Variants in JAM3 observed in about 807,000 individuals in gnomAD.
The protein encoded by JAM3 is junctional adhesion molecule 3, also known as junctional adhesion molecule C.
In JAM3, 31 loss-of-function variants were observed where a neutral mutation model predicts 39.4. That is an observed-to-expected ratio of 0.79 (90% CI 0.59 to 1.06). The LOEUF is 1.06. JAM3 is among the 50% of genes least tolerant of loss of function. The probability of loss-of-function intolerance (pLI) is 0.00; values close to 1 mark genes in which losing one functional copy is unlikely to be tolerated. For synonymous variants in JAM3, 182 were observed against 148.7 expected (o/e 1.22, Z -1.63); for missense variants, 455 against 391.4 (o/e 1.16, Z -1.37).
intron 1 of JAM3, among the ~76,000 whole-genome samples, chr11:134,130,531 AAAATT>A (rs1307397538): frequency 3.3e-5 from 5 of 152,212 alleles, no homozygotes; most frequent in Admixed American, 3.3e-4. Flanking sequence ...CACCAGCAGA[AAAATT>A]AAAAAATCAC....
At chr11:134,102,213 G>T (rs553524961) in intron 1 of JAM3, among the ~76,000 whole-genome samples, 1 of 152,152 alleles carries the variant, frequency 6.6e-6, no homozygotes, top group Non-Finnish European at 1.5e-5. Flanking sequence ...AGCAGTATTC[G>T]CTGTCCTGCA....
At chr11:134,082,817 A>G (rs551104110) in intron 1 of JAM3, among the ~76,000 whole-genome samples, 2 of 152,168 alleles carry the variant, frequency 1.3e-5, no homozygotes, top group African/African-American at 2.4e-5. Context: ...AAGACCATTT[A>G]TGCACCACCT....
intron 1 of JAM3, among the ~76,000 whole-genome samples, chr11:134,108,746 T>C (rs770341273): frequency 1.3e-5 from 2 of 152,066 alleles, no homozygotes; most frequent in Admixed American, 6.6e-5. Context: ...TCAACATCCA[T>C]TTATGATAAA....
chr11:134,144,510 G>A (rs1461373485), intron 4 of JAM3, 117 bp downstream of exon 4: 1 of 1,276,738 alleles, frequency 7.8e-7, no homozygotes, highest in South Asian at 1.2e-5. Context: ...GCTTAGGGAG[G>A]GGAGAACTGT....
chr11:134,146,663 C>T (rs908520583), intron 6 of JAM3, among the ~76,000 whole-genome samples: 1 of 152,114 alleles, frequency 6.6e-6, no homozygotes, highest in Non-Finnish European at 1.5e-5. Flanking sequence ...CAAACCCAGC[C>T]TTCAAGCCAT....
At chr11:134,113,716 G>A (rs1202322417) in intron 1 of JAM3, among the ~76,000 whole-genome samples, 10 of 152,312 alleles carry the variant, frequency 6.6e-5, no homozygotes, top group Middle Eastern at 3.4e-3. Flanking sequence ...CCAGTAATGG[G>A]ATGGCTGGGT....
At chr11:134,148,900 T>C in intron 8 of JAM3, 82 bp downstream of exon 8, 1 of 1,427,602 alleles carries the variant, frequency 7.0e-7, no homozygotes, top group Non-Finnish European at 9.8e-7. Context: ...ACGGGTCTCC[T>C]GGGAAGATTT....
At chr11:134,100,706 T>A (rs898739741) in intron 1 of JAM3, among the ~76,000 whole-genome samples, 11 of 152,294 alleles carry the variant, frequency 7.2e-5, no homozygotes, top group Non-Finnish European at 7.4e-5. Context: ...GCTCTCTTAC[T>A]CTTACAACTG....
chr11:134,130,397 T>C (rs1942746914), intron 1 of JAM3, among the ~76,000 whole-genome samples: 1 of 152,160 alleles, frequency 6.6e-6, no homozygotes, highest in Non-Finnish European at 1.5e-5. Context: ...TCTTGGGTTC[T>C]TAGGTATTAT....
At chr11:134,106,631 C>A (rs542815136) in intron 1 of JAM3, among the ~76,000 whole-genome samples, 1 of 152,098 alleles carries the variant, frequency 6.6e-6, no homozygotes, top group South Asian at 2.1e-4. Context: ...ACAAAGAACT[C>A]AAATTTACAA....
chr11:134,149,168 C>T lies in JAM3; in HGVS notation c.920C>T (p.Ser307Leu), dbSNP rs971293018. Residue 307 changes from serine (S) to leucine (L), a missense_variant, in exon 9 of 9, where the codon TCG (serine) becomes TTG (leucine). By Grantham distance (145) the Ser-to-Leu change is moderately radical. Transcript: ENST00000299106. ...DEEGDFRHKSSFVI is the reference protein window; with the variant it reads ...DEEGDFRHKSLFVI ...CAGGGCGACTTCAGACACAAGTCATCGTTTGTGATCTGAGACCCGCGGTGT... is the reference window on the plus strand; with the variant it reads ...CAGGGCGACTTCAGACACAAGTCATTGTTTGTGATCTGAGACCCGCGGTGT... The T allele has an allele frequency of 1.1e-5, 17 of 1,613,800 alleles. No individual in the cohort carries two copies. The highest frequency in any genetic ancestry group is 1.4e-5 in the Non-Finnish European group (17 of 1,179,884).
chr11:134,100,872 C>A (rs557231019), intron 1 of JAM3, among the ~76,000 whole-genome samples: 44 of 152,294 alleles, frequency 2.9e-4, no homozygotes, highest in African/African-American at 1.1e-3. Context: ...TATACTGCTT[C>A]CTTACTAGAC....
At position 134,114,947 on chromosome 11, in the gene JAM3, G is replaced by A. The variant is rs148746464; in HGVS notation, c.77-24904G>A. Among the ~76,000 whole-genome samples, 31 of 152,208 alleles carry A rather than the reference G, an allele frequency of 2.0e-4. No individual in the cohort carries two copies. The East Asian group carries it at 3.7e-3, about 18-fold the overall frequency. On this transcript the variant is annotated intron_variant, in intron 1 of 8. Coordinates refer to ENST00000299106, the MANE Select transcript of JAM3 (RefSeq NM_032801.5). The stretch of plus-strand genomic sequence containing the variant: ...CTATTGAGAGTAGTGTTGAAATCTC[G>A]AACAAAGAATCCTATGGATTTGTTT...
intron 1 of JAM3, among the ~76,000 whole-genome samples, chr11:134,097,725 G>A (rs1942007768): frequency 6.6e-6 from 1 of 151,984 alleles, no homozygotes; most frequent in Non-Finnish European, 1.5e-5. Flanking sequence ...GTTTACTTCA[G>A]GATAATGTTT....
At chr11:134,106,210 G>A (rs1942182552) in intron 1 of JAM3, among the ~76,000 whole-genome samples, 1 of 152,042 alleles carries the variant, frequency 6.6e-6, no homozygotes, top group African/African-American at 2.4e-5. Context: ...ACAACCATCT[G>A]ATCTTTGACA....
At chr11:134,079,094 C>A (rs1299904034) in intron 1 of JAM3, among the ~76,000 whole-genome samples, 1 of 151,944 alleles carries the variant, frequency 6.6e-6, no homozygotes, top group South Asian at 2.1e-4. Context: ...ATCGCATACA[C>A]CCCCAGGAAG....
At position 134,079,408 on chromosome 11, in the gene JAM3, C is replaced by T. The variant is rs369082303; in HGVS notation, c.76+10249C>T. ...AGCTTTCCAGCTGAAATCTGGATTC[C>T]GTTCTCCACAGGATGAAGTGCTGGT... On this transcript the variant is annotated intron_variant, in intron 1 of 8. Transcript: ENST00000299106. Among the ~76,000 whole-genome samples the T allele has an allele frequency of 7.2e-5, 11 of 152,196 alleles. No individual in the cohort carries two copies. The East Asian group carries it at 1.2e-3, about 16-fold the overall frequency.
At chr11:134,074,620 C>T (rs1465122206) in intron 1 of JAM3, among the ~76,000 whole-genome samples, 2 of 152,062 alleles carry the variant, frequency 1.3e-5, no homozygotes, top group Admixed American at 6.6e-5. Flanking sequence ...TGAGAGCTGC[C>T]GAGATTACCG....
chr11:134,098,641 A>T (rs1332895153), intron 1 of JAM3, among the ~76,000 whole-genome samples: 21 of 152,194 alleles, frequency 1.4e-4, no homozygotes, highest in Non-Finnish European at 1.5e-5. Flanking sequence ...CATAACAAGG[A>T]CATTGTCAAA....
Sources: gnomAD v4.1 joint callset for allele counts (sites outside exome capture counted in the v4.1 genomes callset) on GRCh38, gnomAD v4.1.1 for gene constraint, MANE v1.5 for transcripts, NCBI Gene and HGNC (gene_info 2026-07-23, HGNC 2026-07-21) for gene names.